SYNE2: variants seen among roughly 807,000 people sequenced by gnomAD.
SYNE2 encodes spectrin repeat containing nuclear envelope protein 2, also known as nesprin-2.
Under a neutral mutation model 856.3 loss-of-function variants are expected in SYNE2, and 431 were observed. The observed-to-expected ratio is 0.50, with a 90% confidence interval of 0.47 to 0.55. The LOEUF is 0.55. SYNE2 is among the 20% of genes least tolerant of loss of function. The pLI is 0.00. For missense variants in SYNE2, 8,129 were observed against 8,023.2 expected, an observed-to-expected ratio of 1.01 and a Z score of -0.50; for synonymous variants, 2,923 against 2,872.3, an observed-to-expected ratio of 1.02 and a Z score of -0.56.
intron 96 of SYNE2, among the ~76,000 whole-genome samples, chr14:64,178,411 CAT>C (rs1478037970): frequency 6.6e-6 from 1 of 152,208 alleles, no homozygotes; most frequent in Non-Finnish European, 1.5e-5. Context: ...CATTCTTACA[CAT>C]GTCCTAATAA....
At chr14:63,802,997 A>G (rs1048156718) in intron 1 of SYNE2, among the ~76,000 whole-genome samples, 1 of 152,192 alleles carries the variant, frequency 6.6e-6, no homozygotes, top group Non-Finnish European at 1.5e-5. Flanking sequence ...AAACTTCCAC[A>G]GTGTGGAAGG....
intron 6 of SYNE2, among the ~76,000 whole-genome samples, chr14:63,947,867 T>C (rs1264558137): frequency 6.6e-6 from 1 of 152,048 alleles, no homozygotes; most frequent in African/African-American, 2.4e-5. Flanking sequence ...CTCACCATGT[T>C]CCTACTGTGC....
At chr14:64,054,244 T>A (rs1250339075) in intron 48 of SYNE2, among the ~76,000 whole-genome samples, 1 of 152,082 alleles carries the variant, frequency 6.6e-6, no homozygotes, top group African/African-American at 2.4e-5. Flanking sequence ...GCTCAGAACA[T>A]TTTTAAAAAT....
rs180870623 is a variant in SYNE2, at chr14:63,854,937, T to C, written c.-52+1794T>C. ...ACGGGTGAAAAGCAATTGGTTCATT[T>C]TTCATTATTATATTTTTCATTACTT... is the stretch of plus-strand genomic sequence containing the variant. On this transcript the variant is annotated intron_variant, in intron 1 of 115. Coordinates refer to ENST00000555002, the MANE Select transcript of SYNE2 (RefSeq NM_182914.3). 2.7e-4 allele frequency among the ~76,000 whole-genome samples: 41 copies of C among 152,350 alleles called. 1 individual carries two copies. The highest frequency in any genetic ancestry group is 2.3e-3 in the Admixed American group (35 of 15,302).
chr14:64,076,224 G>C (rs2097457637), intron 54 of SYNE2, 124 bp downstream of exon 54: 4 of 999,826 alleles, frequency 4.0e-6, no homozygotes, highest in Non-Finnish European at 6.0e-6. Context: ...TAAGAGTTAA[G>C]TGACCATCGT....
chr14:64,126,058 A>G (rs1383681484), intron 71 of SYNE2, among the ~76,000 whole-genome samples: 3 of 152,222 alleles, frequency 2.0e-5, no homozygotes, highest in African/African-American at 7.2e-5. Flanking sequence ...CGCCCTGCTA[A>G]GGGATCCTTC....
At chr14:64,043,965 C>T (rs1271794280) in intron 45 of SYNE2, among the ~76,000 whole-genome samples, 1 of 152,210 alleles carries the variant, frequency 6.6e-6, no homozygotes, top group Non-Finnish European at 1.5e-5. Context: ...TCAAGTGATC[C>T]TCCCACCTCA....
intron 1 of SYNE2, among the ~76,000 whole-genome samples, chr14:63,762,841 A>G (rs1327139844): frequency 6.6e-6 from 1 of 152,196 alleles, no homozygotes; most frequent in Non-Finnish European, 1.5e-5. Flanking sequence ...AGAGAAAAAA[A>G]ATGCAAATTT....
chr14:63,982,537 A>T, intron 16 of SYNE2, 93 bp from the exon 17 acceptor site: 2 of 691,572 alleles, frequency 2.9e-6, no homozygotes, highest in Non-Finnish European at 4.1e-6. Context: ...AAAAAAAAAA[A>T]GAAAAGAAAA....
At chr14:64,186,378 C>T (rs748072613) in intron 96 of SYNE2, 46 bp from the exon 97 acceptor site, 13 of 1,612,686 alleles carry the variant, frequency 8.1e-6, no homozygotes, top group Middle Eastern at 1.6e-4. Flanking sequence ...AAACAACAGC[C>T]GCTTGAGTTG....
In SYNE2 at chr14:64,224,602, A is replaced by G. The variant is rs8020646; in HGVS notation, c.20469+55A>G. On this transcript the variant is annotated intron_variant, in intron 114 of 115. Coordinates refer to ENST00000555002, the MANE Select transcript of SYNE2 (RefSeq NM_182914.3). ...TCACTGGTTATTTTTTAAAGTCACT[A>G]AGATGAGGGAAGCTTGGGATTCCAA... The G allele has an allele frequency of 0.086, 136,344 of 1,592,922 alleles. 11,590 individuals are homozygous for G. Among genetic ancestry groups the G allele is most frequent in the African/African-American group, 0.44 (32,964 of 74,524 alleles).
Position 64,186,494 on chromosome 14 carries a change from C to T in SYNE2, c.17627C>T (p.Thr5876Ile), listed in dbSNP as rs1250539164. Residue 5876 changes from threonine to isoleucine, a missense_variant, in exon 97 of 116, where the codon ACC becomes ATC. Thr to Ile is a moderately conservative substitution (Grantham distance 89, BLOSUM62 -1). This residue lies in a region of SYNE2 where 5,410 missense variants were observed against 5,284.8 expected (regional missense o/e 1.02). Coordinates refer to ENST00000555002, the MANE Select transcript of SYNE2 (RefSeq NM_182914.3). ...KELQTMKADL[T>I]RHVLVEDVMV... ...CTTCAAACTATGAAGGCGGACTTAA[C>T]CCGGCACGTTCTCGTGGAAGATGTG... The T allele has an allele frequency of 6.2e-7, 1 of 1,614,210 alleles. No homozygotes were observed.
At position 64,053,625 on chromosome 14, in the gene SYNE2, A is replaced by G. The variant is rs1304049854; in HGVS notation, c.9712A>G (p.Met3238Val). 3.1e-6 allele frequency: 5 copies of G among 1,613,474 alleles called. No homozygotes were observed. The highest frequency in any genetic ancestry group is 4.2e-6 in the Non-Finnish European group (5 of 1,179,788). Residue 3238 changes from methionine (M) to valine (V), a missense_variant, in exon 48 of 116, where the codon ATG becomes GTG. Transcript: ENST00000555002. ...ACTACGTGAGTTTGAAGATCTTCAGATGCAGCTTAACACAAGCATTGATTT... is the reference window on the plus strand; with the variant it reads ...ACTACGTGAGTTTGAAGATCTTCAGGTGCAGCTTAACACAAGCATTGATTT... ...TKLREFEDLQMQLNTSIDLRT... is the reference protein window; with the variant it reads ...TKLREFEDLQVQLNTSIDLRT...
intron 5 of SYNE2, 38 bp from the exon 6 acceptor site, chr14:63,942,013 A>G (rs2095924400): frequency 1.9e-6 from 3 of 1,597,650 alleles, no homozygotes; most frequent in Non-Finnish European, 2.6e-6. Context: ...ATGCTCTGGG[A>G]TATTTCCTCC....
chr14:64,216,087 ACTCAT>A, intron 107 of SYNE2, 156 bp from the exon 108 acceptor site: 11 of 1,521,220 alleles, frequency 7.2e-6, no homozygotes, highest in Non-Finnish European at 8.8e-6. Context: ...GAGTTGCATG[ACTCAT>A]CTCATTCTCT....
chr14:64,152,560 C>T lies in SYNE2; in HGVS notation c.15640-4C>T, dbSNP rs752254174. On this transcript the variant is annotated splice_polypyrimidine_tract_variant and splice_region_variant and intron_variant, in intron 84 of 115. Coordinates refer to ENST00000555002, the MANE Select transcript of SYNE2 (RefSeq NM_182914.3). Reference sequence around the variant, plus strand: ...TTGAAAACCTTTTCCTCTTACTCTTCCAGGATATAGAAAATCAACTTGCAA... The same window carrying T: ...TTGAAAACCTTTTCCTCTTACTCTTTCAGGATATAGAAAATCAACTTGCAA... The T allele has an allele frequency of 3.1e-6, 5 of 1,613,786 alleles. No individual in the cohort carries two copies. In the East Asian group the frequency reaches 6.7e-5, roughly 22 times the overall value.
intron 2 of SYNE2, among the ~76,000 whole-genome samples, chr14:63,924,625 G>T (rs1261565051): frequency 6.6e-6 from 1 of 152,082 alleles, no homozygotes; most frequent in Non-Finnish European, 1.5e-5. Context: ...ATGCCATTAT[G>T]AATGATATTT....
intron 65 of SYNE2, among the ~76,000 whole-genome samples, chr14:64,111,802 G>GA (rs1198957568): frequency 1.3e-5 from 2 of 148,812 alleles, no homozygotes; most frequent in African/African-American, 2.5e-5. Context: ...TTCCCAAGAA[G>GA]AAAAAAAAAG....
At chr14:63,871,861 T>A (rs1355331352) in intron 1 of SYNE2, among the ~76,000 whole-genome samples, 1 of 152,138 alleles carries the variant, frequency 6.6e-6, no homozygotes. Flanking sequence ...TATGAAAAGG[T>A]ATAAATGATT....
Sources: gnomAD v4.1 joint callset for allele counts (sites outside exome capture counted in the v4.1 genomes callset) on GRCh38, gnomAD v4.1.1 for gene constraint, gnomAD v4.1.1 regional missense constraint, MANE v1.5 for transcripts, NCBI Gene and HGNC (gene_info 2026-07-23, HGNC 2026-07-21) for gene names.